Variants in RNF213 observed in about 807,000 individuals in gnomAD.
The protein encoded by RNF213 is E3 ubiquitin-protein ligase RNF213.
A neutral mutation model predicts 514.4 loss-of-function variants in RNF213; 341 were observed. The ratio of observed to expected loss-of-function variants is 0.66; its 90% CI spans 0.61 to 0.73. RNF213 has a LOEUF of 0.73. Among genes scored for constraint, RNF213 ranks in the 30% least tolerant of loss-of-function variants. The pLI, the probability that RNF213 is intolerant of heterozygous loss-of-function variation, is 0.00. For synonymous variants in RNF213, 2,655 were observed against 2,658.2 expected, an observed-to-expected ratio of 1.00 and a Z score of 0.04; for missense variants, 5,767 against 6,615.6, an observed-to-expected ratio of 0.87 and a Z score of 4.45.
Position 80,398,499 on chromosome 17 carries a change from C to T in RNF213, c.*5001C>T, listed in dbSNP as rs370296124. The T allele has an allele frequency of 1.1e-4, 17 of 152,304 alleles. No homozygotes were observed. In the East Asian group the frequency reaches 3.1e-3, roughly 28 times the overall value. The allele number at this position is 152,304 out of a possible 1,614,324, so 9.4% of individuals were successfully genotyped here. On this transcript the variant is annotated 3_prime_UTR_variant, in exon 68 of 68. Transcript: ENST00000582970. ...GTTGGCCATCAGAGTGAAGCCTGGACAGGTCCCTTGTTTCAAAGGTATGGC... is the reference window on the plus strand; with the variant it reads ...GTTGGCCATCAGAGTGAAGCCTGGATAGGTCCCTTGTTTCAAAGGTATGGC...
intron 3 of RNF213, among the ~76,000 whole-genome samples, chr17:80,284,995 G>A (rs7214614): frequency 0.36 from 54,666 of 152,112 alleles, 10,425 homozygotes; most frequent in Non-Finnish European, 0.43. Flanking sequence ...TAAGGCTGAT[G>A]TTACTCAAAC....
intron 54 of RNF213, among the ~76,000 whole-genome samples, chr17:80,378,288 G>A (rs561544391): frequency 1.3e-4 from 20 of 152,308 alleles, no homozygotes; most frequent in Admixed American, 1.0e-3. Flanking sequence ...GTGTGGTCCA[G>A]ATGCCAAAGG....
chr17:80,374,742 G>T, intron 50 of RNF213, 153 bp downstream of exon 50: 1 of 864,618 alleles, frequency 1.2e-6, no homozygotes, highest in Non-Finnish European at 1.8e-6. Context: ...ACAGCCTCCA[G>T]GGCGCACCTG....
chr17:80,356,395 G>A (rs1323387864), intron 36 of RNF213, among the ~76,000 whole-genome samples: 4 of 152,214 alleles, frequency 2.6e-5, no homozygotes, highest in South Asian at 2.1e-4. Context: ...TGCTGTTCAC[G>A]CAGCACTAGG....
At chr17:80,278,406 G>C (rs1196804533) in intron 3 of RNF213, among the ~76,000 whole-genome samples, 6 of 152,242 alleles carry the variant, frequency 3.9e-5, no homozygotes, top group Non-Finnish European at 7.3e-5. Context: ...TGTGCTCTGA[G>C]CACAAGCCAA....
rs201824278 is a variant in RNF213 at position 80,393,869 on chromosome 17, CTTTT to C, written c.*379_*382del. The C allele has an allele frequency of 1.9e-5, 4 of 216,020 alleles. No individual in the cohort carries two copies. Among genetic ancestry groups the C allele is most frequent in the Admixed American group, 5.6e-5 (1 of 17,866 alleles). 13.4% of individuals were successfully genotyped at this position (216,020 alleles called of 1,614,324 possible). Reference sequence around the variant, plus strand: ...TTCGCCTCTGGCACTGCCCACCCCTCTTTTTTTTTTTCTTCTAATTCTGTACTCA... The same window carrying C: ...TTCGCCTCTGGCACTGCCCACCCCTCTTTTTTTCTTCTAATTCTGTACTCA... On this transcript the variant is annotated 3_prime_UTR_variant, in exon 68 of 68. Coordinates refer to ENST00000582970, the MANE Select transcript of RNF213 (RefSeq NM_001256071.3).
intron 57 of RNF213, 23 bp downstream of exon 57, chr17:80,381,750 G>A: frequency 6.2e-7 from 1 of 1,605,562 alleles, no homozygotes; most frequent in South Asian, 1.1e-5. Flanking sequence ...GCAAGGGCTG[G>A]GCGGGGATCA....
At chr17:80,284,889 T>C (rs984164287) in intron 3 of RNF213, among the ~76,000 whole-genome samples, 3 of 152,142 alleles carry the variant, frequency 2.0e-5, no homozygotes, top group Admixed American at 2.0e-4. Context: ...TCTGATTGGC[T>C]CACAGGCCAA....
At chr17:80,386,954 G>A in intron 63 of RNF213, 63 bp downstream of exon 63, 1 of 1,495,580 alleles carries the variant, frequency 6.7e-7, no homozygotes, top group Non-Finnish European at 9.1e-7. Flanking sequence ...GCAGCCCTTG[G>A]TGTGTTTCTC....
intron 65 of RNF213, 109 bp from the exon 66 acceptor site, chr17:80,389,719 G>T: frequency 1.1e-6 from 1 of 925,132 alleles, no homozygotes; most frequent in South Asian, 1.3e-5. Flanking sequence ...GTACAGGGCA[G>T]AACGAAGAGA....
At chr17:80,371,107 C>A (rs1402799454) in intron 46 of RNF213, among the ~76,000 whole-genome samples, 1 of 151,996 alleles carries the variant, frequency 6.6e-6, no homozygotes, top group Non-Finnish European at 1.5e-5. Flanking sequence ...TGCCTGATGT[C>A]ATGAAATCAT....
At chr17:80,290,490 TGTGTGTGCGC>T in intron 6 of RNF213, 70 bp from the exon 7 acceptor site, 2 of 1,530,310 alleles carry the variant, frequency 1.3e-6, no homozygotes, top group South Asian at 2.3e-5. Context: ...TGCGCACGTG[TGTGTGTGCGC>T]GTGTGTGCAT....
intron 54 of RNF213, among the ~76,000 whole-genome samples, chr17:80,378,608 G>A (rs954337756): frequency 6.6e-6 from 1 of 152,154 alleles, no homozygotes; most frequent in Admixed American, 6.5e-5. Flanking sequence ...GAGCCACTGT[G>A]CCCAGCCTGA....
chr17:80,369,492 G>C lies in RNF213; in HGVS notation c.12156-10G>C. On this transcript the variant is annotated splice_polypyrimidine_tract_variant and intron_variant, in intron 44 of 67. Coordinates refer to ENST00000582970, the MANE Select transcript of RNF213 (RefSeq NM_001256071.3). ...ACCATCCACCTGTCTTCTGTTTCTC[G>C]TGTTCTAAGGGAAGCCATTGAAAAG... The C allele has an allele frequency of 6.2e-7, 1 of 1,612,520 alleles. No homozygotes were observed. Among genetic ancestry groups the C allele is most frequent in the Non-Finnish European group, 8.5e-7 (1 of 1,179,852 alleles).
At chr17:80,373,370 C>T (rs747389177) in intron 49 of RNF213, among the ~76,000 whole-genome samples, 23 of 150,942 alleles carry the variant, frequency 1.5e-4, no homozygotes, top group Non-Finnish European at 2.5e-4. Flanking sequence ...CCACTGCTTC[C>T]GCGTTCCGCC....
intron 10 of RNF213, 88 bp from the exon 11 acceptor site, chr17:80,298,233 G>A: frequency 2.9e-6 from 4 of 1,366,160 alleles, no homozygotes; most frequent in Non-Finnish European, 4.1e-6. Context: ...TGTGTGCACG[G>A]TGCTTGCTTC....
chr17:80,349,482 A>C (rs2078426525), intron 29 of RNF213, among the ~76,000 whole-genome samples: 1 of 152,140 alleles, frequency 6.6e-6, no homozygotes, highest in Admixed American at 6.5e-5. Context: ...GATCATGAGA[A>C]TCTCAAGTAC....
chr17:80,298,634 C>T (rs2045052821), intron 11 of RNF213, 116 bp downstream of exon 11: 3 of 1,045,188 alleles, frequency 2.9e-6, no homozygotes, highest in Admixed American at 3.9e-5. Flanking sequence ...AATGACAGAA[C>T]TAACACACGC....
intron 3 of RNF213, among the ~76,000 whole-genome samples, chr17:80,284,925 G>C (rs1273205769): frequency 6.6e-6 from 1 of 152,224 alleles, no homozygotes; most frequent in East Asian, 1.9e-4. Flanking sequence ...CTATGGCCAG[G>C]ATGATAGACA....
Sources: allele counts gnomAD v4.1 joint callset (sites outside exome capture counted in the v4.1 genomes callset), GRCh38; gene constraint gnomAD v4.1.1; transcripts MANE v1.5; gene names NCBI Gene and HGNC (gene_info 2026-07-23, HGNC 2026-07-21).